Variants in GK observed in about 807,000 individuals in gnomAD.
The protein encoded by GK is glycerol kinase.
Under a neutral mutation model 56.4 loss-of-function variants are expected in GK, and 9 were observed. That is an observed-to-expected ratio of 0.16 (90% CI 0.10 to 0.28). GK has a LOEUF of 0.28. Among genes scored for constraint, GK ranks in the 10% least tolerant of loss-of-function variants. The probability of loss-of-function intolerance (pLI) is 1.00; values close to 1 mark genes in which losing one functional copy is unlikely to be tolerated. For synonymous variants in GK, 104 were observed against 144.1 expected (o/e 0.72, Z 1.99); for missense variants, 161 against 431.4 (o/e 0.37, Z 5.55).
At position 30,682,291 on chromosome X, in the gene GK, C is replaced by A. The variant is rs192827393; in HGVS notation, c.337+4839C>A. Reference sequence around the variant, plus strand: ...AATCTCAATTTATTATGGATGAACTCACTATAGTAATTAATATAAAATTAA... The same window carrying A: ...AATCTCAATTTATTATGGATGAACTAACTATAGTAATTAATATAAAATTAA... On this transcript the variant is annotated intron_variant, in intron 4 of 20. Transcript: ENST00000427190. Among the ~76,000 whole-genome samples the A allele has an allele frequency of 1.9e-4, 21 of 111,680 alleles. No homozygotes were observed. The Admixed American group carries it at 1.9e-3, about 10-fold the overall frequency.
intron 3 of GK, among the ~76,000 whole-genome samples, chrX:30,675,666 C>A (rs1278575295): frequency 4.7e-5 from 5 of 107,188 alleles, no homozygotes; most frequent in African/African-American, 1.7e-4. Flanking sequence ...CCACCATACC[C>A]CCCTAATTTT....
rs1293849436 is a variant in GK at position 30,722,787 on chromosome X, A to G, written c.1502-1314A>G. On this transcript the variant is annotated intron_variant, in intron 18 of 20. Transcript: ENST00000427190. ...CATCCTGGGGTGTGTGTGAAGAGAG[A>G]GGGGGGGATAGAAATGGGGCACTGG... Among the ~76,000 whole-genome samples the G allele has an allele frequency of 2.7e-5, 3 of 110,064 alleles. 1 individual carries two copies. The highest frequency in any genetic ancestry group is 1.9e-4 in the Admixed American group (2 of 10,271).
chrX:30,729,789 T>C lies in GK; in HGVS notation c.*1047T>C, dbSNP rs1408849863. 1 of 113,329 alleles carries C rather than the reference T, an allele frequency of 8.8e-6. No individual in the cohort carries two copies. Among genetic ancestry groups the C allele is most frequent in the African/African-American group, 3.2e-5 (1 of 31,294 alleles). The allele number at this position is 113,329 out of a possible 1,213,427, so 9.3% of individuals were successfully genotyped here. ...AAAAAAAGAAGAAACTGTGGAATAC[T>C]ACAGTAAATATTGTTTTCAAACACA... On this transcript the variant is annotated 3_prime_UTR_variant, in exon 21 of 21. Transcript: ENST00000427190.
At chrX:30,695,196 C>T (rs1935179126) in intron 6 of GK, 1 of 885,503 alleles carries the variant, frequency 1.1e-6, no homozygotes, top group Non-Finnish European at 1.4e-6. Context: ...TCCCCACTCT[C>T]ACTTGACAGA....
chrX:30,695,712 C>T (rs1452265218), intron 6 of GK, among the ~76,000 whole-genome samples: 3 of 112,254 alleles, frequency 2.7e-5, no homozygotes, highest in African/African-American at 6.5e-5. Flanking sequence ...TTCATCTCGC[C>T]GAATTTAATA....
Position 30,720,855 on chromosome X carries a change from A to G in GK, c.1361A>G (p.Lys454Arg), listed in dbSNP as rs1273816554. ...QADILYIPVV[K>R]PSMPETTALG... ...TGATGGAACTCTCTCTCCTCAGTGA[A>G]GCCCTCAATGCCCGAAACCACTGCA... The change falls in exon 18 of 21, where the codon AAG becomes AGG. Residue 454 changes from lysine (K) to arginine (R), a missense_variant. Physicochemically the swap from Lys to Arg is conservative, Grantham distance 26 (BLOSUM62 2). Coordinates refer to ENST00000427190, the MANE Select transcript of GK (RefSeq NM_001205019.2). 8.3e-7 allele frequency: 1 copy of G among 1,212,018 alleles called. No homozygotes were observed. The highest frequency in any genetic ancestry group is 1.1e-6 in the Non-Finnish European group (1 of 895,438).
rs571920635 is a variant in GK at position 30,700,126 on chromosome X, C to T, written c.748-288C>T. Reference sequence around the variant, plus strand: ...AATGTGATGTATTGAGAGGTTTCAACAGCCTGCTAGTAGATTAATACTAAC... The same window carrying T: ...AATGTGATGTATTGAGAGGTTTCAATAGCCTGCTAGTAGATTAATACTAAC... On this transcript the variant is annotated intron_variant, in intron 9 of 20. Coordinates refer to ENST00000427190, the MANE Select transcript of GK (RefSeq NM_001205019.2). 2.2e-3 allele frequency: 582 copies of T among 270,071 alleles called. 2 individuals carry two copies. The Middle Eastern group carries it at 0.024, about 11-fold the overall frequency. The allele number at this position is 270,071 out of a possible 1,213,427, so 22.3% of individuals were successfully genotyped here. A position where few individuals can be genotyped will look rare whatever the true frequency, so the allele number is the denominator to read the frequency against.
At chrX:30,678,242 T>C (rs1363156305) in intron 4 of GK, 1 of 384,840 alleles carries the variant, frequency 2.6e-6, no homozygotes, top group African/African-American at 2.5e-5. Flanking sequence ...TGAGCAGGGA[T>C]TTAAAAAACC....
rs777381531 is a variant in GK at position 30,722,334 on chromosome X, A to G, written c.1501+1339A>G. Among the ~76,000 whole-genome samples the G allele has an allele frequency of 9.8e-5, 11 of 112,674 alleles. No homozygotes were observed. In the South Asian group the frequency reaches 4.0e-3, roughly 41 times the overall value. On this transcript the variant is annotated intron_variant, in intron 18 of 20. Coordinates refer to ENST00000427190, the MANE Select transcript of GK (RefSeq NM_001205019.2). ...CAATACTGGATAAAATATGAAGTTC[A>G]AAAAATTTTTCTACTTTTCAAAAAA... is the stretch of plus-strand genomic sequence containing the variant.
At chrX:30,681,276 A>G (rs1219506016) in intron 4 of GK, among the ~76,000 whole-genome samples, 1 of 112,452 alleles carries the variant, frequency 8.9e-6, no homozygotes, top group Non-Finnish European at 1.9e-5. Context: ...TTGGAAGTCC[A>G]GTTTAAATGG....
rs760559014 is a variant in GK at position 30,696,600 on chromosome X, ATCT to A, written c.663-12_663-10del. On this transcript the variant is annotated splice_polypyrimidine_tract_variant and intron_variant, in intron 7 of 20. Transcript: ENST00000427190. ...TATTTAAAACAGTGTTAAATACCCA[ATCT>A]TCTTGTTTTTCAGATTTTTTGGAAT... is the stretch of plus-strand genomic sequence containing the variant. 5 of 1,152,337 alleles carry A rather than the reference ATCT, an allele frequency of 4.3e-6. No individual in the cohort carries two copies. The South Asian group carries it at 7.3e-5, about 17-fold the overall frequency. The allele number at this position is 1,152,337 out of a possible 1,213,427, so 95.0% of individuals were successfully genotyped here.
chrX:30,693,529 T>A (rs763488248), intron 5 of GK, among the ~76,000 whole-genome samples: 6 of 111,247 alleles, frequency 5.4e-5, no homozygotes, highest in Non-Finnish European at 1.1e-4. Flanking sequence ...AGAGTAATTC[T>A]GTGTTGCTTT....
chrX:30,691,863 G>A (rs1303662239), intron 5 of GK, among the ~76,000 whole-genome samples: 2 of 109,697 alleles, frequency 1.8e-5, no homozygotes, highest in African/African-American at 6.8e-5. Flanking sequence ...CAGGGAGAGA[G>A]AAAGTAAAAG....
chrX:30,672,814 C>CAA (rs922168718), intron 3 of GK, among the ~76,000 whole-genome samples: 1 of 106,076 alleles, frequency 9.4e-6, no homozygotes, highest in Non-Finnish European at 2.0e-5. Flanking sequence ...AACTCTGTCT[C>CAA]AAAAAAAAAA....
intron 13 of GK, among the ~76,000 whole-genome samples, chrX:30,713,040 G>C (rs537538397): frequency 5.4e-5 from 6 of 111,582 alleles, no homozygotes; most frequent in Middle Eastern, 9.3e-3. Flanking sequence ...GGCCTTGTTG[G>C]ATTTCTTAAT....
chrX:30,661,005 G>T (rs2147127204), intron 1 of GK, among the ~76,000 whole-genome samples: 1 of 108,877 alleles, frequency 9.2e-6, no homozygotes, highest in African/African-American at 3.4e-5. Context: ...GTAGGGACGG[G>T]GTTTCACTAG....
chrX:30,707,442 A>T (rs1314601131), intron 11 of GK, 114 bp from the exon 12 acceptor site: 7 of 518,980 alleles, frequency 1.3e-5, no homozygotes, highest in Non-Finnish European at 2.0e-5. Context: ...TTATAAAACT[A>T]TAATGACTTT....
chrX:30,715,943 A>C (rs1936594876), intron 13 of GK, among the ~76,000 whole-genome samples: 1 of 112,014 alleles, frequency 8.9e-6, no homozygotes, highest in African/African-American at 3.2e-5. Flanking sequence ...CTTAACAGTG[A>C]CTATGTATTT....
At chrX:30,722,813 A>G (rs1213819864) in intron 18 of GK, among the ~76,000 whole-genome samples, 3 of 110,991 alleles carry the variant, frequency 2.7e-5, no homozygotes, top group Non-Finnish European at 5.7e-5. Context: ...GGGGCACTGG[A>G]AAGCTTTCTG....
Sources: gnomAD v4.1 joint callset for allele counts (sites outside exome capture counted in the v4.1 genomes callset) on GRCh38, gnomAD v4.1.1 for gene constraint, MANE v1.5 for transcripts, NCBI Gene and HGNC (gene_info 2026-07-23, HGNC 2026-07-21) for gene names.